Variants in YJU2 observed in about 807,000 individuals in gnomAD.
The protein encoded by YJU2 is YJU2 splicing factor homolog, also known as splicing factor YJU2.
A neutral mutation model predicts 39.6 loss-of-function variants in YJU2; 28 were observed. The ratio of observed to expected loss-of-function variants is 0.71; its 90% CI spans 0.52 to 0.97. The LOEUF is 0.97. YJU2 is among the 50% of genes least tolerant of loss of function. The pLI is 0.00. For synonymous variants in YJU2, 184 were observed against 182.4 expected (o/e 1.01, Z -0.07); for missense variants, 328 against 430.4 (o/e 0.76, Z 2.11).
At chr19:4,260,569 T>G (rs926826101) in intron 5 of YJU2, among the ~76,000 whole-genome samples, 1 of 151,590 alleles carries the variant, frequency 6.6e-6, no homozygotes, top group South Asian at 2.1e-4. Context: ...AAACCCCGTC[T>G]CTACTAAAAC....
intron 5 of YJU2, among the ~76,000 whole-genome samples, chr19:4,258,951 G>A (rs1484559884): frequency 6.6e-6 from 1 of 151,896 alleles, no homozygotes; most frequent in East Asian, 1.9e-4. Context: ...AAGCCCCAGA[G>A]CCCGTCCCAT....
At chr19:4,256,386 C>T (rs1417174871) in intron 4 of YJU2, among the ~76,000 whole-genome samples, 2 of 151,820 alleles carry the variant, frequency 1.3e-5, no homozygotes, top group Admixed American at 6.6e-5. Flanking sequence ...AGACCAGATA[C>T]AACATTTTCC....
chr19:4,265,588 C>T (rs756444906), intron 6 of YJU2, among the ~76,000 whole-genome samples: 3 of 149,022 alleles, frequency 2.0e-5, no homozygotes, highest in Non-Finnish European at 3.0e-5. Flanking sequence ...GGGAACTAAC[C>T]TAGGTAACTT....
chr19:4,262,146 C>G lies in YJU2; in HGVS notation c.708+32C>G, dbSNP rs756212311. 3 of 1,577,060 alleles carry G rather than the reference C, an allele frequency of 1.9e-6. No homozygotes were observed. The Admixed American group carries it at 5.5e-5, about 29-fold the overall frequency. Reference sequence around the variant, plus strand: ...GGGGTGCCTGAGTCCTGGGGGCTCCCAGGTGAACTAGGGACAACTGAAGCC... The same window carrying G: ...GGGGTGCCTGAGTCCTGGGGGCTCCGAGGTGAACTAGGGACAACTGAAGCC... On this transcript the variant is annotated intron_variant, in intron 6 of 7. Coordinates refer to ENST00000262962, the MANE Select transcript of YJU2 (RefSeq NM_018074.6).
chr19:4,267,862 A>G (rs1971129517), intron 7 of YJU2, 88 bp downstream of exon 7: 1 of 1,304,780 alleles, frequency 7.7e-7, no homozygotes, highest in Non-Finnish European at 1.0e-6. Context: ...CAGAGACTTC[A>G]TGGGGTGGGT....
chr19:4,264,251 G>C (rs1200989352), intron 6 of YJU2, among the ~76,000 whole-genome samples: 10 of 101,836 alleles, frequency 9.8e-5, no homozygotes, highest in Non-Finnish European at 1.8e-4. Flanking sequence ...GACAGAGCGA[G>C]ACTCTGTCTC....
At chr19:4,253,869 G>C (rs2144691031) in intron 3 of YJU2, among the ~76,000 whole-genome samples, 1 of 151,984 alleles carries the variant, frequency 6.6e-6, no homozygotes, top group South Asian at 2.1e-4. Context: ...TGTAGCCAAG[G>C]CTGGAGTACA....
rs965589558 is a variant in YJU2, at chr19:4,259,239, C to T, written c.587+816C>T. Among the ~76,000 whole-genome samples, 6 of 151,086 alleles carry T rather than the reference C, an allele frequency of 4.0e-5. No individual in the cohort carries two copies. The South Asian group carries it at 8.3e-4, about 21-fold the overall frequency. On this transcript the variant is annotated intron_variant, in intron 5 of 7. Coordinates refer to ENST00000262962, the MANE Select transcript of YJU2 (RefSeq NM_018074.6). ...GATTAGAGGCATCCGCCACCAAGCC[C>T]GGCTAATTTTTTGTAATTTTTAGTA... is the stretch of plus-strand genomic sequence containing the variant.
At chr19:4,249,369 G>A in intron 2 of YJU2, 41 bp downstream of exon 2, 12 of 1,342,792 alleles carry the variant, frequency 8.9e-6, no homozygotes, top group Non-Finnish European at 1.3e-5. Flanking sequence ...AGTCATGGCT[G>A]AAGGACGCAG....
At chr19:4,261,883 A>T in intron 5 of YJU2, 111 bp from the exon 6 acceptor site, 1 of 1,016,314 alleles carries the variant, frequency 9.8e-7, no homozygotes, top group Non-Finnish European at 1.4e-6. Flanking sequence ...CTGCTCACTG[A>T]GGGCAGGAAG....
intron 6 of YJU2, among the ~76,000 whole-genome samples, chr19:4,264,679 G>A (rs1178875059): frequency 3.3e-5 from 5 of 151,934 alleles, no homozygotes; most frequent in Admixed American, 6.6e-5. Context: ...TAGAGATGGC[G>A]TTTCACCATG....
intron 5 of YJU2, among the ~76,000 whole-genome samples, 178 bp downstream of exon 5, chr19:4,258,601 C>T (rs1042460626): frequency 1.2e-4 from 18 of 152,358 alleles, no homozygotes; most frequent in Non-Finnish European, 2.2e-4. Context: ...AGGCCACTGC[C>T]GGGCACGGTG....
intron 2 of YJU2, 115 bp from the exon 3 acceptor site, chr19:4,250,912 A>G: frequency 8.8e-7 from 1 of 1,142,820 alleles, no homozygotes; most frequent in Non-Finnish European, 1.3e-6. Context: ...TGAAGGAGGG[A>G]GCTCCCCGTT....
rs1287266686 is a variant in YJU2 at position 4,268,621 on chromosome 19, C to T, written c.897C>T (p.Pro299=). ...PQNRKEANPT[P]LTPGASSLSQ... is the part of the protein sequence containing the mutation. ...ACAGGAAGGAGGCCAACCCTACACC[C>T]CTGACGCCTGGCGCGTCCTCCCTGA... Residue 299 remains proline, a synonymous_variant, in exon 8 of 8, where the codon CCC becomes CCT. Coordinates refer to ENST00000262962, the MANE Select transcript of YJU2 (RefSeq NM_018074.6). 11 of 1,613,504 alleles carry T rather than the reference C, an allele frequency of 6.8e-6. No homozygotes were observed. The highest frequency in any genetic ancestry group is 8.5e-6 in the Non-Finnish European group (10 of 1,179,762).
At position 4,266,843 on chromosome 19, in the gene YJU2, TG is replaced by T. The variant is rs565381323; in HGVS notation, c.709-779del. On this transcript the variant is annotated intron_variant, in intron 6 of 7. Coordinates refer to ENST00000262962, the MANE Select transcript of YJU2 (RefSeq NM_018074.6). ...AAAAATTAAAAATGTTAGCCTGCCA[TG>T]GTGGCGTGCACCTGCAGGAGGCTGA... Among the ~76,000 whole-genome samples the T allele has an allele frequency of 2.1e-3, 321 of 152,264 alleles. 2 individuals are homozygous for T. The highest frequency in any genetic ancestry group is 7.4e-3 in the African/African-American group (309 of 41,574).
chr19:4,255,647 G>C (rs1195225355), intron 4 of YJU2, among the ~76,000 whole-genome samples: 1 of 150,240 alleles, frequency 6.7e-6, no homozygotes, highest in Non-Finnish European at 1.5e-5. Flanking sequence ...AGAATTGCTT[G>C]AACTCAGGAG....
rs760353506 is a variant in YJU2, at chr19:4,268,617, CACCCCT to C, written c.894_899del (p.Pro299_Leu300del). On this transcript the variant is annotated inframe_deletion, in exon 8 of 8. Transcript: ENST00000262962. ...CAGAACAGGAAGGAGGCCAACCCTA[CACCCCT>C]GACGCCTGGCGCGTCCTCCCTGAGC... The C allele has an allele frequency of 3.8e-5, 61 of 1,613,544 alleles. No individual in the cohort carries two copies. The Middle Eastern group carries it at 4.9e-4, about 13-fold the overall frequency.
rs542673325 is a variant in YJU2, at chr19:4,255,172, C to T, written c.405+683C>T. On this transcript the variant is annotated intron_variant, in intron 4 of 7. Coordinates refer to ENST00000262962, the MANE Select transcript of YJU2 (RefSeq NM_018074.6). The stretch of plus-strand genomic sequence containing the variant: ...CCGGGAGGCAGAGGTTGCAGTGAGC[C>T]GAGATCAAACCACTGCACTCCAGCC... Among the ~76,000 whole-genome samples, 306 of 151,588 alleles carry T rather than the reference C, an allele frequency of 2.0e-3. 1 individual carries two copies. Among genetic ancestry groups the T allele is most frequent in the African/African-American group, 7.3e-3 (301 of 41,328 alleles).
chr19:4,263,518 C>T (rs191776073), intron 6 of YJU2, among the ~76,000 whole-genome samples: 14 of 152,080 alleles, frequency 9.2e-5, no homozygotes, highest in Admixed American at 5.9e-4. Context: ...CCAACTAGAA[C>T]GAAGGGAGGC....
Sources: allele counts gnomAD v4.1 joint callset (sites outside exome capture counted in the v4.1 genomes callset), GRCh38; gene constraint gnomAD v4.1.1; transcripts MANE v1.5; gene names NCBI Gene and HGNC (gene_info 2026-07-23, HGNC 2026-07-21).